Variants in CUX2 observed in about 807,000 individuals in gnomAD.
CUX2 encodes cut like homeobox 2.
In CUX2, 40 loss-of-function variants were observed where a neutral mutation model predicts 144.8. That is an observed-to-expected ratio of 0.28 (90% CI 0.21 to 0.36). The LOEUF is 0.36. Among genes scored for constraint, CUX2 ranks in the 10% least tolerant of loss-of-function variants. CUX2 has a pLI of 1.00. For synonymous variants in CUX2, 827 were observed against 875.6 expected, an observed-to-expected ratio of 0.94 and a Z score of 0.98; for missense variants, 1,615 against 1,994.0, an observed-to-expected ratio of 0.81 and a Z score of 3.62.
Position 111,348,141 on chromosome 12 carries a change from G to A in CUX2, c.4277G>A (p.Gly1426Asp), listed in dbSNP as rs757457476. 5 of 1,613,972 alleles carry A rather than the reference G, an allele frequency of 3.1e-6. No homozygotes were observed. Residue 1426 changes from glycine to aspartate, a missense_variant, in exon 22 of 22, where the codon GGC (glycine) becomes GAC (aspartate). Around this residue, in one of 12 missense-constraint regions of CUX2, gnomAD observed 298 missense variants for 330.4 expected, o/e 0.90. Transcript: ENST00000261726. ...SSAPISPSPP[G>D]APPAKVPSAS... ...GCTCCCATCTCCCCATCCCCACCTGGCGCCCCCCCTGCCAAAGTGCCGAGT... is the reference window on the plus strand; with the variant it reads ...GCTCCCATCTCCCCATCCCCACCTGACGCCCCCCCTGCCAAAGTGCCGAGT...
At chr12:111,196,939 C>T (rs1048326207) in intron 1 of CUX2, among the ~76,000 whole-genome samples, 21 of 152,116 alleles carry the variant, frequency 1.4e-4, no homozygotes, top group African/African-American at 4.8e-4. Flanking sequence ...CTGGAATAGG[C>T]GTGGGGCTCA....
chr12:111,125,141 C>G (rs1384883967), intron 1 of CUX2, among the ~76,000 whole-genome samples: 1 of 152,044 alleles, frequency 6.6e-6, no homozygotes, highest in Non-Finnish European at 1.5e-5. Flanking sequence ...TAGGAGCCAC[C>G]AGTTTACATT....
intron 1 of CUX2, among the ~76,000 whole-genome samples, chr12:111,092,114 A>G (rs550913384): frequency 1.1e-4 from 16 of 152,248 alleles, no homozygotes; most frequent in Non-Finnish European, 2.1e-4. Flanking sequence ...TTAGGGTACC[A>G]CAATTCAACC....
chr12:111,105,396 C>G (rs1873534672), intron 1 of CUX2, among the ~76,000 whole-genome samples: 1 of 152,214 alleles, frequency 6.6e-6, no homozygotes, highest in South Asian at 2.1e-4. Flanking sequence ...TCCGCCTCCT[C>G]CCAGGAAGGG....
chr12:111,098,517 G>A (rs1352179605), intron 1 of CUX2, among the ~76,000 whole-genome samples: 1 of 152,222 alleles, frequency 6.6e-6, no homozygotes, highest in South Asian at 2.1e-4. Context: ...AAGTAGATAC[G>A]CATCTCTGGA....
chr12:111,043,686 G>A (rs1403350544), intron 1 of CUX2, among the ~76,000 whole-genome samples: 5 of 152,204 alleles, frequency 3.3e-5, no homozygotes, highest in Admixed American at 6.5e-5. Flanking sequence ...GGTGGCTCAC[G>A]CCTGTAATCC....
chr12:111,094,709 G>T (rs1872722804), intron 1 of CUX2, among the ~76,000 whole-genome samples: 1 of 152,180 alleles, frequency 6.6e-6, no homozygotes, highest in Non-Finnish European at 1.5e-5. Context: ...GTTTGCCCAG[G>T]CTGGTCTCCT....
In CUX2 at chr12:111,320,130, A is replaced by G. The variant is rs1446335640; in HGVS notation, c.2121A>G (p.Gln707=). ...LEQARREMQA[Q]QQALLEMEVA... ...AGGCACGCCGTGAGATGCAGGCGCAACAGCAGGCGCTGCTGGAGATGGAGG... is the reference window on the plus strand; with the variant it reads ...AGGCACGCCGTGAGATGCAGGCGCAGCAGCAGGCGCTGCTGGAGATGGAGG... Residue 707 remains glutamine (Q), a synonymous_variant, in exon 17 of 22, where the codon CAA becomes CAG. Transcript: ENST00000261726. This position sits in a 1 kb window ranked among gnomAD's most constrained non-coding sequence, Gnocchi z 8.1. 1.3e-6 allele frequency: 2 copies of G among 1,555,370 alleles called. No individual in the cohort carries two copies.
intron 1 of CUX2, among the ~76,000 whole-genome samples, chr12:111,198,222 G>A (rs1432220777): frequency 6.6e-6 from 1 of 152,098 alleles, no homozygotes; most frequent in East Asian, 1.9e-4. Context: ...ATGCCTGTAA[G>A]CCCAGCATTT....
At chr12:111,342,652 A>G (rs961751812) in intron 21 of CUX2, among the ~76,000 whole-genome samples, 2 of 151,758 alleles carry the variant, frequency 1.3e-5, no homozygotes, top group Non-Finnish European at 2.9e-5. Context: ...AGACTAACAT[A>G]GTTACATAAA....
intron 1 of CUX2, among the ~76,000 whole-genome samples, chr12:111,113,513 C>T (rs1177440663): frequency 1.3e-5 from 2 of 151,900 alleles, no homozygotes; most frequent in African/African-American, 4.8e-5. Flanking sequence ...TGGGATGATG[C>T]AATATGTGAT....
In CUX2 at chr12:111,293,192, A is replaced by G. The variant is rs1885785327; in HGVS notation, c.437-254A>G. On this transcript the variant is annotated intron_variant, in intron 5 of 21. Transcript: ENST00000261726. The surrounding 1 kb of genome is among the most constrained non-coding windows in gnomAD (Gnocchi z 4.5). ...TGACGTATATTTTACCACAATTTTAAAAGTATAATAAAGCAGGCCGCGGAG... is the reference window on the plus strand; with the variant it reads ...TGACGTATATTTTACCACAATTTTAGAAGTATAATAAAGCAGGCCGCGGAG... 6.6e-6 allele frequency among the ~76,000 whole-genome samples: 1 copy of G among 152,250 alleles called. No individual in the cohort carries two copies. Among genetic ancestry groups the G allele is most frequent in the African/African-American group, 2.4e-5 (1 of 41,474 alleles).
intron 1 of CUX2, among the ~76,000 whole-genome samples, chr12:111,069,560 G>A (rs533209093): frequency 2.2e-4 from 33 of 146,888 alleles, no homozygotes; most frequent in Non-Finnish European, 3.2e-4. Context: ...GTGCGCGCGC[G>A]TGTGTGTGTG....
chr12:111,298,503 C>A, intron 8 of CUX2, 38 bp from the exon 9 acceptor site: 1 of 1,552,070 alleles, frequency 6.4e-7, no homozygotes, highest in East Asian at 2.4e-5. Flanking sequence ...TGGAGCCCGC[C>A]GGAAGCCCTT....
intron 4 of CUX2, among the ~76,000 whole-genome samples, chr12:111,279,363 C>T (rs1885016813): frequency 6.6e-6 from 1 of 152,152 alleles, no homozygotes; most frequent in Non-Finnish European, 1.5e-5. Flanking sequence ...AGTCCATTGC[C>T]ACATGTTATG....
At position 111,348,584 on chromosome 12, in the gene CUX2, A is replaced by G; in HGVS notation, c.*259A>G. ...CCCCTCTGCAGGAGGCAGAAGCAAA[A>G]TGGCACCACATATTCACCTGAAAAC... On this transcript the variant is annotated 3_prime_UTR_variant, in exon 22 of 22. Coordinates refer to ENST00000261726, the MANE Select transcript of CUX2 (RefSeq NM_015267.4). The G allele has an allele frequency of 4.9e-6, 2 of 409,152 alleles. No individual in the cohort carries two copies. The highest frequency in any genetic ancestry group is 8.7e-6 in the Non-Finnish European group (2 of 230,582). The allele number at this position is 409,152 out of a possible 1,614,324, so 25.3% of individuals were successfully genotyped here.
intron 21 of CUX2, among the ~76,000 whole-genome samples, chr12:111,346,532 C>T (rs1888818303): frequency 6.6e-6 from 1 of 151,362 alleles, no homozygotes; most frequent in South Asian, 2.1e-4. Context: ...GTGCCCAACA[C>T]ATGATAAGCG....
Position 111,178,500 on chromosome 12 carries a change from C to G in CUX2, c.64-35700C>G, listed in dbSNP as rs1332169144. On this transcript the variant is annotated intron_variant, in intron 1 of 21. Transcript: ENST00000261726. The surrounding 1 kb of genome is among the most constrained non-coding windows in gnomAD (Gnocchi z 5.7). ...GACCCGGTCCAGCCACTCCCCCTCC[C>G]CCATTTAAAACACAGAACGTGACTG... Among the ~76,000 whole-genome samples, 1 of 152,190 alleles carries G rather than the reference C, an allele frequency of 6.6e-6. No individual in the cohort carries two copies. The highest frequency in any genetic ancestry group is 2.4e-5 in the African/African-American group (1 of 41,436).
intron 1 of CUX2, among the ~76,000 whole-genome samples, chr12:111,213,599 G>C (rs1050285325): frequency 1.3e-5 from 2 of 152,102 alleles, no homozygotes; most frequent in African/African-American, 4.8e-5. Flanking sequence ...ATGATTTACT[G>C]CGAGATACAC....
Sources: allele counts gnomAD v4.1 joint callset (sites outside exome capture counted in the v4.1 genomes callset), GRCh38; gene constraint gnomAD v4.1.1; regional missense constraint gnomAD v4.1.1; non-coding constraint Gnocchi (gnomAD v3.1); transcripts MANE v1.5; gene names NCBI Gene and HGNC (gene_info 2026-07-23, HGNC 2026-07-21).